Variants in FER1L6 observed in about 807,000 individuals in gnomAD.
FER1L6 encodes fer-1 like family member 6, also known as fer-1-like protein 6.
In FER1L6, 177 loss-of-function variants were observed where a neutral mutation model predicts 219.2. That is an observed-to-expected ratio of 0.81 (90% confidence interval 0.71 to 0.91). The LOEUF is 0.91. FER1L6 is among the 40% of genes least tolerant of loss of function. The pLI is 0.00. For synonymous variants in FER1L6, 768 were observed against 824.3 expected, an observed-to-expected ratio of 0.93 and a Z score of 1.17; for missense variants, 2,153 against 2,259.9, an observed-to-expected ratio of 0.95 and a Z score of 0.96.
intron 20 of FER1L6, among the ~76,000 whole-genome samples, 176 bp downstream of exon 20, chr8:124,040,182 A>G (rs779777171): frequency 1.3e-5 from 2 of 152,148 alleles, no homozygotes; most frequent in Non-Finnish European, 2.9e-5. Flanking sequence ...GGGAAGGTCT[A>G]TTGTTTCAGT....
chr8:124,086,019 C>A (rs1394644475), intron 33 of FER1L6, among the ~76,000 whole-genome samples: 3 of 152,108 alleles, frequency 2.0e-5, no homozygotes, highest in Admixed American at 1.3e-4. Flanking sequence ...GTTTTATAAT[C>A]AGTATACCTA....
chr8:123,944,006 C>T (rs572103692), intron 1 of FER1L6, among the ~76,000 whole-genome samples: 38 of 151,946 alleles, frequency 2.5e-4, no homozygotes, highest in Non-Finnish European at 4.7e-4. Flanking sequence ...AGAGATCTGA[C>T]GGGTCAGGGT....
intron 15 of FER1L6, among the ~76,000 whole-genome samples, chr8:124,013,957 T>C (rs566441975): frequency 7.9e-5 from 12 of 151,934 alleles, no homozygotes; most frequent in East Asian, 3.9e-4. Flanking sequence ...AATCAACTAT[T>C]TTCAGTGAAA....
rs1487439797 is a variant in FER1L6 at position 123,860,117 on chromosome 8, C to A, written c.-8+7932C>A. Among the ~76,000 whole-genome samples, 645 of 109,862 alleles carry A rather than the reference C, an allele frequency of 5.9e-3. 19 individuals carry two copies. Among genetic ancestry groups the A allele is most frequent in the African/African-American group, 0.024 (627 of 25,980 alleles). The allele number at this position is 109,862 out of a possible 152,430, so 72.1% of individuals were successfully genotyped here. ...CTAGCATTAGGTATATCTCCCAATG[C>A]TATCCCTCCCCCCTCCCCCCTCCCC... On this transcript the variant is annotated intron_variant, in intron 1 of 40. Transcript: ENST00000522917.
chr8:123,986,119 G>A lies in FER1L6; in HGVS notation c.1462G>A (p.Ala488Thr). 1 of 1,613,766 alleles carries A rather than the reference G, an allele frequency of 6.2e-7. No homozygotes were observed. The highest frequency in any genetic ancestry group is 1.1e-5 in the South Asian group (1 of 91,062). ...EFLLFGAFFE[A>T]TMIDRKIGDK... ...TTTACTCTTTGGAGCATTTTTTGAA[G>A]CTACCATGATTGACCGGAAGATTGG... Residue 488 changes from alanine (A) to threonine (T), a missense_variant, in exon 12 of 41, where the codon GCT becomes ACT. Transcript: ENST00000522917.
intron 1 of FER1L6, among the ~76,000 whole-genome samples, chr8:123,927,556 ATAAT>A (rs1170686523): frequency 6.6e-6 from 1 of 152,184 alleles, no homozygotes; most frequent in Non-Finnish European, 1.5e-5. Flanking sequence ...AAATTTTGTA[ATAAT>A]TATCCTGAGT....
In FER1L6 at chr8:123,963,258, T is replaced by G. The variant is rs1282050362; in HGVS notation, c.77-20T>G. The G allele has an allele frequency of 6.2e-7, 1 of 1,613,456 alleles. No individual in the cohort carries two copies. Among genetic ancestry groups the G allele is most frequent in the Admixed American group, 1.7e-5 (1 of 59,992 alleles). On this transcript the variant is annotated intron_variant, in intron 2 of 40. Transcript: ENST00000522917. ...ACATGTCAATTTCACAGGATTTTCT[T>G]CCTTTGTTTGCTTCTCCAGATAGTC...
At chr8:124,114,649 T>G (rs1297246662) in intron 39 of FER1L6, among the ~76,000 whole-genome samples, 3 of 152,014 alleles carry the variant, frequency 2.0e-5, no homozygotes, top group Non-Finnish European at 4.4e-5. Context: ...ATAAGACTTT[T>G]TCTGAGTTTT....
chr8:124,011,322 TC>T (rs896062139), intron 14 of FER1L6, among the ~76,000 whole-genome samples: 5 of 152,156 alleles, frequency 3.3e-5, no homozygotes, highest in African/African-American at 1.2e-4. Flanking sequence ...TCTGACACCT[TC>T]TACCCCCTTA....
intron 1 of FER1L6, among the ~76,000 whole-genome samples, chr8:123,881,281 C>G (rs1417343396): frequency 6.6e-6 from 1 of 152,082 alleles, no homozygotes; most frequent in Non-Finnish European, 1.5e-5. Context: ...AGTTGTCTTC[C>G]TGATGAATCT....
At position 124,013,543 on chromosome 8, in the gene FER1L6, G is replaced by A. The variant is rs1406966850; in HGVS notation, c.1922+12G>A. 2 of 1,573,476 alleles carry A rather than the reference G, an allele frequency of 1.3e-6. No homozygotes were observed. Among genetic ancestry groups the A allele is most frequent in the Admixed American group, 3.9e-5 (2 of 50,952 alleles). ...ATCAGTCGGAGCAGGTACCGGGAGAGACAGCCGGCATAGGCGGAGCTGAGC... is the reference window on the plus strand; with the variant it reads ...ATCAGTCGGAGCAGGTACCGGGAGAAACAGCCGGCATAGGCGGAGCTGAGC... On this transcript the variant is annotated intron_variant, in intron 15 of 40. Coordinates refer to ENST00000522917, the MANE Select transcript of FER1L6 (RefSeq NM_001039112.2).
chr8:123,973,641 T>C, intron 7 of FER1L6, 129 bp downstream of exon 7: 1 of 727,954 alleles, frequency 1.4e-6, no homozygotes, highest in South Asian at 1.6e-5. Flanking sequence ...TATACAAAGT[T>C]GAATGAGACA....
At chr8:123,865,465 C>G (rs1450080641) in intron 1 of FER1L6, among the ~76,000 whole-genome samples, 1 of 151,306 alleles carries the variant, frequency 6.6e-6, no homozygotes, top group Non-Finnish European at 1.5e-5. Flanking sequence ...AGAGGTGGAG[C>G]CTACAGAGGC....
intron 31 of FER1L6, among the ~76,000 whole-genome samples, chr8:124,071,865 G>C (rs189105374): frequency 6.6e-6 from 1 of 152,088 alleles, no homozygotes; most frequent in Non-Finnish European, 1.5e-5. Context: ...CTCTGTGCAC[G>C]TGTATATAGG....
In FER1L6 at chr8:123,872,367, T is replaced by G. The variant is rs1467713084; in HGVS notation, c.-8+20182T>G. Among the ~76,000 whole-genome samples the G allele has an allele frequency of 2.0e-5, 3 of 152,286 alleles. No homozygotes were observed. In the East Asian group the frequency reaches 5.8e-4, roughly 29 times the overall value. ...TCAGACAAATCACAATTGAGGGAACTTCTACAACACACCTGATCAGTACTT... is the reference window on the plus strand; with the variant it reads ...TCAGACAAATCACAATTGAGGGAACGTCTACAACACACCTGATCAGTACTT... On this transcript the variant is annotated intron_variant, in intron 1 of 40. Coordinates refer to ENST00000522917, the MANE Select transcript of FER1L6 (RefSeq NM_001039112.2).
chr8:123,861,352 G>T (rs1816741991), intron 1 of FER1L6, among the ~76,000 whole-genome samples: 1 of 147,482 alleles, frequency 6.8e-6, no homozygotes, highest in African/African-American at 2.6e-5. Flanking sequence ...TCTCTGTTTT[G>T]GTACCAGTAC....
chr8:124,070,452 C>G lies in FER1L6; in HGVS notation c.3835-15C>G. On this transcript the variant is annotated splice_polypyrimidine_tract_variant and intron_variant, in intron 29 of 40. Coordinates refer to ENST00000522917, the MANE Select transcript of FER1L6 (RefSeq NM_001039112.2). ...TTCCTTCCTCTTAGCACAATCTTCTCCCTTTTCCCTAAAGATATATGACGG... is the reference window on the plus strand; with the variant it reads ...TTCCTTCCTCTTAGCACAATCTTCTGCCTTTTCCCTAAAGATATATGACGG... The G allele has an allele frequency of 1.2e-6, 2 of 1,612,406 alleles. No individual in the cohort carries two copies. Among genetic ancestry groups the G allele is most frequent in the Non-Finnish European group, 1.7e-6 (2 of 1,179,092 alleles).
At chr8:124,049,863 A>G in intron 22 of FER1L6, 107 bp downstream of exon 22, 1 of 1,145,802 alleles carries the variant, frequency 8.7e-7, no homozygotes, top group Non-Finnish European at 1.3e-6. Context: ...CCTCGCTGCA[A>G]TCCCACATCT....
intron 1 of FER1L6, among the ~76,000 whole-genome samples, chr8:123,919,424 T>C (rs1813292861): frequency 6.6e-6 from 1 of 152,208 alleles, no homozygotes; most frequent in Admixed American, 6.5e-5. Flanking sequence ...AGGACTCTGG[T>C]TGAGCAGCAG....
Sources: gnomAD v4.1 joint callset for allele counts (sites outside exome capture counted in the v4.1 genomes callset) on GRCh38, gnomAD v4.1.1 for gene constraint, MANE v1.5 for transcripts, NCBI Gene and HGNC (gene_info 2026-07-23, HGNC 2026-07-21) for gene names.